Variants in FARP1 observed in about 807,000 individuals in gnomAD.
The protein encoded by FARP1 is FERM, ARH/RhoGEF and pleckstrin domain protein 1.
A neutral mutation model predicts 128.8 loss-of-function variants in FARP1; 52 were observed. The ratio of observed to expected loss-of-function variants is 0.40; its 90% CI spans 0.32 to 0.51. The LOEUF (loss-of-function observed/expected upper bound fraction) is 0.51, where lower values mean the gene tolerates loss of function less well. FARP1 is among the 20% of genes least tolerant of loss of function. The pLI, the probability that FARP1 is intolerant of heterozygous loss-of-function variation, is 0.45. For synonymous variants in FARP1, 580 were observed against 551.8 expected, an observed-to-expected ratio of 1.05 and a Z score of -0.72; for missense variants, 1,333 against 1,367.9, an observed-to-expected ratio of 0.97 and a Z score of 0.40.
intron 2 of FARP1, among the ~76,000 whole-genome samples, chr13:98,302,314 A>G (rs1885958038): frequency 6.6e-6 from 1 of 152,228 alleles, no homozygotes; most frequent in Admixed American, 6.5e-5. Context: ...ACCCATATCA[A>G]AAAATTCTTT....
chr13:98,326,049 A>G (rs1015762817), intron 2 of FARP1, among the ~76,000 whole-genome samples: 2 of 152,262 alleles, frequency 1.3e-5, no homozygotes, highest in African/African-American at 4.8e-5. Flanking sequence ...CAATCCCTCA[A>G]TAGCTGACTG....
chr13:98,228,778 C>T (rs139009313), intron 2 of FARP1, among the ~76,000 whole-genome samples: 474 of 152,238 alleles, frequency 3.1e-3, no homozygotes, highest in Non-Finnish European at 5.2e-3. Context: ...TTCACCTCTT[C>T]TTGCATGATT....
intron 2 of FARP1, among the ~76,000 whole-genome samples, chr13:98,265,311 A>ATTTTTTTTTTTTTT (rs60809416): frequency 1.7e-5 from 1 of 60,252 alleles, no homozygotes; most frequent in African/African-American, 7.8e-5. Context: ...TCCTTCCTGA[A>ATTTTTTTTTTTTTT]TTTTTTTTTT....
At chr13:98,395,541 A>G in intron 13 of FARP1, 65 bp downstream of exon 13, 1 of 1,499,570 alleles carries the variant, frequency 6.7e-7, no homozygotes, top group South Asian at 1.3e-5. Context: ...GCAGTGACGT[A>G]GATAGCGAAT....
At chr13:98,287,294 A>G (rs1433322008) in intron 2 of FARP1, among the ~76,000 whole-genome samples, 1 of 128,182 alleles carries the variant, frequency 7.8e-6, no homozygotes, top group Non-Finnish European at 1.5e-5. Flanking sequence ...GCAGTGGCTC[A>G]GTCTCGGCCA....
At position 98,388,494 on chromosome 13, in the gene FARP1, G is replaced by A. The variant is rs563079835; in HGVS notation, c.855+16G>A. 308 of 1,593,560 alleles carry A rather than the reference G, an allele frequency of 1.9e-4. 2 individuals carry two copies. The Middle Eastern group carries it at 3.7e-3, about 19-fold the overall frequency. ...AGATGCCAATGTAAGTGGTCCTGGC[G>A]GGAAAGGGGACCCGTTGAGCCATGG... On this transcript the variant is annotated intron_variant, in intron 9 of 26. Coordinates refer to ENST00000319562, the MANE Select transcript of FARP1 (RefSeq NM_005766.4).
intron 1 of FARP1, among the ~76,000 whole-genome samples, chr13:98,212,979 G>A (rs530698774): frequency 2.6e-5 from 4 of 152,288 alleles, no homozygotes; most frequent in East Asian, 1.9e-4. Context: ...ACTGTAAAAC[G>A]AGAAAGGAAT....
chr13:98,305,350 G>A (rs562773508), intron 2 of FARP1, among the ~76,000 whole-genome samples: 6 of 150,518 alleles, frequency 4.0e-5, no homozygotes, highest in African/African-American at 7.3e-5. Context: ...TTTTTGAGAC[G>A]GAGTTTCGCT....
intron 1 of FARP1, among the ~76,000 whole-genome samples, chr13:98,179,769 A>G (rs1878371287): frequency 6.6e-6 from 1 of 152,140 alleles, no homozygotes; most frequent in Non-Finnish European, 1.5e-5. Flanking sequence ...AGGCAGGAGA[A>G]TGGCGTGAAC....
intron 2 of FARP1, among the ~76,000 whole-genome samples, chr13:98,249,887 A>G (rs751135831): frequency 2.0e-5 from 3 of 152,198 alleles, no homozygotes; most frequent in Non-Finnish European, 4.4e-5. Flanking sequence ...CTTCAGTTAC[A>G]TATGCGATGT....
At position 98,440,957 on chromosome 13, in the gene FARP1, G is replaced by A. The variant is rs1164548945; in HGVS notation, c.2796+121G>A. On this transcript the variant is annotated intron_variant, in intron 24 of 26. Transcript: ENST00000319562. ...CTGTGGGTGGCCCCACCTACCCGCG[G>A]TGGCTGAGCAGGGAAGGATCAACAC... 5.1e-6 allele frequency: 5 copies of A among 983,670 alleles called. No individual in the cohort carries two copies. In the East Asian group the frequency reaches 1.3e-4, roughly 26 times the overall value. 60.9% of individuals were successfully genotyped at this position (983,670 alleles called of 1,614,324 possible).
chr13:98,419,754 A>G (rs1891523196), intron 16 of FARP1, among the ~76,000 whole-genome samples: 1 of 152,160 alleles, frequency 6.6e-6, no homozygotes, highest in East Asian at 1.9e-4. Context: ...AGAGGCTTCA[A>G]AAAAAGATCT....
At position 98,439,094 on chromosome 13, in the gene FARP1, C is replaced by A; in HGVS notation, c.2344-13C>A. 2 of 1,609,972 alleles carry A rather than the reference C, an allele frequency of 1.2e-6. No individual in the cohort carries two copies. The highest frequency in any genetic ancestry group is 1.7e-6 in the Non-Finnish European group (2 of 1,176,990). On this transcript the variant is annotated splice_polypyrimidine_tract_variant and intron_variant, in intron 20 of 26. Coordinates refer to ENST00000319562, the MANE Select transcript of FARP1 (RefSeq NM_005766.4). ...AACGTGGTCTCACCTCCACACACTT[C>A]TGATTCCTCCAGTTCAACGACGTCC...
In FARP1 at chr13:98,181,597, ATTATTTATTTAT is replaced by A. The variant is rs56127904; in HGVS notation, c.-23-31588_-23-31577del. ...CTAAATCTTACCATTTAGAAATAATATTATTTATTTATTTATTTATTTATTTATTTATTTATT... is the reference window on the plus strand; with the variant it reads ...CTAAATCTTACCATTTAGAAATAATATTATTTATTTATTTATTTATTTATT... On this transcript the variant is annotated intron_variant, in intron 1 of 26. Coordinates refer to ENST00000319562, the MANE Select transcript of FARP1 (RefSeq NM_005766.4). 5.4e-3 allele frequency among the ~76,000 whole-genome samples: 732 copies of A among 135,574 alleles called. 7 individuals are homozygous for A. Among genetic ancestry groups the A allele is most frequent in the African/African-American group, 0.013 (463 of 36,562 alleles). The allele number at this position is 135,574 out of a possible 152,430, so 88.9% of individuals were successfully genotyped here. A position where few individuals can be genotyped will look rare whatever the true frequency, so the allele number is the denominator to read the frequency against.
intron 24 of FARP1, among the ~76,000 whole-genome samples, chr13:98,441,251 T>C (rs973822153): frequency 6.6e-6 from 1 of 152,192 alleles, no homozygotes; most frequent in Non-Finnish European, 1.5e-5. Flanking sequence ...GAGGAGAGTC[T>C]GCACGATGGC....
intron 2 of FARP1, among the ~76,000 whole-genome samples, chr13:98,295,046 TACACACAC>T (rs746373395): frequency 0.078 from 8,416 of 108,098 alleles, 360 homozygotes; most frequent in East Asian, 0.098. Context: ...ATATATATAT[TACACACAC>T]ACACACACAC....
intron 2 of FARP1, chr13:98,332,882 A>G (rs1887570531): frequency 6.6e-6 from 1 of 152,248 alleles, no homozygotes; most frequent in Admixed American, 6.5e-5. Context: ...TTTGTTTTAC[A>G]AAGTCTTCAC....
At chr13:98,341,593 C>T (rs182089831) in intron 2 of FARP1, among the ~76,000 whole-genome samples, 17 of 152,260 alleles carry the variant, frequency 1.1e-4, no homozygotes, top group Admixed American at 6.5e-4. Flanking sequence ...GATCGTGCCA[C>T]TGTACTCCAG....
chr13:98,246,647 A>G (rs1450841547), intron 2 of FARP1, among the ~76,000 whole-genome samples: 1 of 152,090 alleles, frequency 6.6e-6, no homozygotes, highest in Admixed American at 6.6e-5. Flanking sequence ...AAAAGCTCAA[A>G]GTTCTTAGTC....
Sources: gnomAD v4.1 joint callset for allele counts (sites outside exome capture counted in the v4.1 genomes callset) on GRCh38, gnomAD v4.1.1 for gene constraint, MANE v1.5 for transcripts, NCBI Gene and HGNC (gene_info 2026-07-23, HGNC 2026-07-21) for gene names.